Variants in EFHB observed in about 807,000 individuals in gnomAD.
EFHB encodes EF-hand domain family member B.
EFHB carries 91 observed loss-of-function variants against 87.2 expected under a neutral mutation model. That is an observed-to-expected ratio of 1.04 (90% CI 0.88 to 1.24). EFHB has a LOEUF of 1.24. EFHB is among the 50% of genes most tolerant of loss of function. The pLI is 0.00. For missense variants in EFHB, 1,084 were observed against 998.8 expected (o/e 1.09, Z -1.15); for synonymous variants, 325 against 333.6 (o/e 0.97, Z 0.28).
intron 8 of EFHB, among the ~76,000 whole-genome samples, chr3:19,897,364 C>G (rs1694524641): frequency 2.6e-5 from 4 of 152,210 alleles, no homozygotes; most frequent in African/African-American, 9.6e-5. Flanking sequence ...ATGCCACCAC[C>G]AGCACTAGAG....
intron 4 of EFHB, 97 bp from the exon 5 acceptor site, chr3:19,915,510 G>T: frequency 1.4e-6 from 1 of 724,382 alleles, no homozygotes; most frequent in Non-Finnish European, 2.3e-6. Flanking sequence ...TAGGTATGCT[G>T]GATGCAAGGC....
At chr3:19,887,004 G>A (rs1403322543) in intron 10 of EFHB, among the ~76,000 whole-genome samples, 1 of 152,104 alleles carries the variant, frequency 6.6e-6, no homozygotes, top group Non-Finnish European at 1.5e-5. Flanking sequence ...TGAAGAAATG[G>A]TTTAGTAAAT....
At chr3:19,898,894 T>C in intron 7 of EFHB, 49 bp from the exon 8 acceptor site, 1 of 1,569,954 alleles carries the variant, frequency 6.4e-7, no homozygotes, top group Non-Finnish European at 8.8e-7. Context: ...ACATGGCATC[T>C]CTGGAATTTA....
rs375686043 is a variant in EFHB at position 19,927,239 on chromosome 3, C to T, written c.789+5991G>A. Among the ~76,000 whole-genome samples the T allele has an allele frequency of 3.3e-5, 5 of 152,276 alleles. No homozygotes were observed. The East Asian group carries it at 5.8e-4, about 18-fold the overall frequency. On this transcript the variant is annotated intron_variant, in intron 1 of 12. Transcript: ENST00000295824. ...ATTGATGGAAATCAAGGGACAGTCT[C>T]GGGATAGCTTAGAAAATAACCATTG...
intron 5 of EFHB, among the ~76,000 whole-genome samples, chr3:19,909,391 T>A (rs1694979042): frequency 6.6e-6 from 1 of 152,060 alleles, no homozygotes; most frequent in Non-Finnish European, 1.5e-5. Context: ...GAAAAGGAAT[T>A]GCCAATCCCA....
chr3:19,920,466 G>A, intron 2 of EFHB, 39 bp downstream of exon 2: 3 of 1,536,300 alleles, frequency 2.0e-6, no homozygotes, highest in South Asian at 1.2e-5. Flanking sequence ...CACATAGAAG[G>A]TAAAAATAGA....
intron 1 of EFHB, among the ~76,000 whole-genome samples, chr3:19,928,642 G>A (rs530934134): frequency 3.9e-5 from 6 of 152,204 alleles, no homozygotes; most frequent in African/African-American, 1.4e-4. Context: ...ACGGAGTTTT[G>A]CCATATTGGC....
rs149452704 is a variant in EFHB, at chr3:19,897,329, C to G, written c.1571-488G>C. ...GGCCGTCAGTCTGCATACCAACTTCCCATTTCTCAGCCTTGCTTCCACTCA... is the reference window on the plus strand; with the variant it reads ...GGCCGTCAGTCTGCATACCAACTTCGCATTTCTCAGCCTTGCTTCCACTCA... On this transcript the variant is annotated intron_variant, in intron 8 of 12. Coordinates refer to ENST00000295824, the MANE Select transcript of EFHB (RefSeq NM_144715.4). Among the ~76,000 whole-genome samples, 1,160 of 152,330 alleles carry G rather than the reference C, an allele frequency of 7.6e-3. 15 individuals carry two copies. Among genetic ancestry groups the G allele is most frequent in the African/African-American group, 0.027 (1,104 of 41,564 alleles).
Position 19,891,464 on chromosome 3 carries a change from G to T in EFHB, c.1726-2813C>A, listed in dbSNP as rs370988390. ...CACAGAACCTCCTCTAAATGCCTGG[G>T]CCTGTTTCACTTATAGTCTGGCTGA... On this transcript the variant is annotated intron_variant, in intron 9 of 12. Coordinates refer to ENST00000295824, the MANE Select transcript of EFHB (RefSeq NM_144715.4). Among the ~76,000 whole-genome samples the T allele has an allele frequency of 9.9e-5, 15 of 152,272 alleles. 1 individual carries two copies. In the South Asian group the frequency reaches 3.1e-3, roughly 32 times the overall value.
Position 19,879,776 on chromosome 3 carries a change from AC to A in EFHB, c.2356del (p.Val786SerfsTer33). The part of the protein sequence containing the change: ...EIAEILCNIG[V>X]KLSDEEFENV... ...TTCAAATTCTTCATCAGACAGTTTG[AC>A]ACCAATGTTACACAATATCTCTGCA... On this transcript the variant is annotated frameshift_variant, in exon 13 of 13. Transcript: ENST00000295824. LOFTEE classifies it high-confidence loss of function. 1 of 1,605,956 alleles carries A rather than the reference AC, an allele frequency of 6.2e-7. No individual in the cohort carries two copies. The highest frequency in any genetic ancestry group is 1.1e-5 in the South Asian group (1 of 89,100).
In EFHB at chr3:19,933,252, T is replaced by A; in HGVS notation, c.767A>T (p.Asp256Val). The A allele has an allele frequency of 6.2e-7, 1 of 1,613,416 alleles. No individual in the cohort carries two copies. Among genetic ancestry groups the A allele is most frequent in the Non-Finnish European group, 8.5e-7 (1 of 1,179,426 alleles). The change falls in exon 1 of 13, where the codon GAT (aspartate) becomes GTT (valine). Residue 256 changes from aspartate to valine, a missense_variant. Asp to Val is a radical substitution (Grantham distance 152, BLOSUM62 -3). Coordinates refer to ENST00000295824, the MANE Select transcript of EFHB (RefSeq NM_144715.4). ...TACACTTGGCCAGCAAGGGGTCCGA[T>A]CAAAAAACTTCCCAGAGTATATGGG... ...IRPIYSGKFF[D>V]RTPCWPSAGK...
chr3:19,919,747 A>T, intron 3 of EFHB, 86 bp downstream of exon 3: 1 of 1,316,552 alleles, frequency 7.6e-7, no homozygotes, highest in Non-Finnish European at 1.1e-6. Context: ...AGGAGATTGG[A>T]ACTGATGAAT....
At chr3:19,908,604 GAAAGAA>G (rs1559459828) in intron 5 of EFHB, among the ~76,000 whole-genome samples, 30 of 125,502 alleles carry the variant, frequency 2.4e-4, no homozygotes, top group Admixed American at 3.1e-4. Flanking sequence ...GAGAGAGAAA[GAAAGAA>G]AGAAAGAAAG....
At chr3:19,943,286 G>A (rs17006410) in intron 1 of EFHB, 6,290 of 246,160 alleles carry the variant, frequency 0.026, 135 homozygotes, top group Non-Finnish European at 0.034. Context: ...ATGGTGCCAA[G>A]ATGAATACCA....
Position 19,889,373 on chromosome 3 carries a change from G to T in EFHB, c.1726-722C>A, listed in dbSNP as rs142686239. On this transcript the variant is annotated intron_variant, in intron 9 of 12. Transcript: ENST00000295824. Reference sequence around the variant, plus strand: ...CAAGCCAACCTTAAATCCATTCAGAGATGATGGCAAAGGTCCCAGTTTTCT... The same window carrying T: ...CAAGCCAACCTTAAATCCATTCAGATATGATGGCAAAGGTCCCAGTTTTCT... Among the ~76,000 whole-genome samples the T allele has an allele frequency of 3.3e-5, 5 of 152,294 alleles. No individual in the cohort carries two copies. In the East Asian group the frequency reaches 9.7e-4, roughly 29 times the overall value.
chr3:19,910,215 T>G (rs1470629271), intron 5 of EFHB, among the ~76,000 whole-genome samples: 2 of 151,976 alleles, frequency 1.3e-5, no homozygotes, highest in Non-Finnish European at 2.9e-5. Context: ...CTCTGGGCCA[T>G]AGAGGAATCC....
At chr3:19,917,079 G>A (rs940447497) in intron 4 of EFHB, among the ~76,000 whole-genome samples, 15 of 151,818 alleles carry the variant, frequency 9.9e-5, no homozygotes, top group Admixed American at 3.3e-4. Flanking sequence ...TAAACCTATC[G>A]AAAAGAAGAG....
chr3:19,907,290 T>C (rs1342621580), intron 5 of EFHB, among the ~76,000 whole-genome samples: 1 of 152,180 alleles, frequency 6.6e-6, no homozygotes, highest in Non-Finnish European at 1.5e-5. Context: ...ACTATGTATC[T>C]GATAGAGGGT....
chr3:19,920,080 G>A, intron 2 of EFHB, 104 bp from the exon 3 acceptor site: 15 of 1,177,566 alleles, frequency 1.3e-5, no homozygotes, highest in Non-Finnish European at 1.7e-5. Context: ...CATGTATGTA[G>A]TAAATGCATT....
Sources: gnomAD v4.1 joint callset for allele counts (sites outside exome capture counted in the v4.1 genomes callset) on GRCh38, gnomAD v4.1.1 for gene constraint, MANE v1.5 for transcripts, NCBI Gene and HGNC (gene_info 2026-07-23, HGNC 2026-07-21) for gene names.